The following REPS2 variants were observed in gnomAD, a reference collection of about 807,000 sequenced individuals.
REPS2 encodes RALBP1 associated Eps domain containing 2.
A neutral mutation model predicts 53.6 loss-of-function variants in REPS2; 23 were observed. The ratio of observed to expected loss-of-function variants is 0.43; its 90% CI spans 0.31 to 0.61. The LOEUF is 0.61. Among genes scored for constraint, REPS2 ranks in the 20% least tolerant of loss-of-function variants. The pLI is 0.11. For synonymous variants in REPS2, 238 were observed against 218.6 expected, an observed-to-expected ratio of 1.09 and a Z score of -0.78; for missense variants, 446 against 534.9, an observed-to-expected ratio of 0.83 and a Z score of 1.64.
chrX:17,065,779 G>A (rs944272525), intron 9 of REPS2, among the ~76,000 whole-genome samples: 8 of 111,109 alleles, frequency 7.2e-5, no homozygotes, highest in African/African-American at 2.6e-4. Flanking sequence ...TGGAGACGGG[G>A]TTTCACCATG....
At position 17,016,091 on chromosome X, in the gene REPS2, G is replaced by A. The variant is rs774455952; in HGVS notation, c.398-6032G>A. On this transcript the variant is annotated intron_variant, in intron 2 of 17. Coordinates refer to ENST00000357277, the MANE Select transcript of REPS2 (RefSeq NM_004726.3). The stretch of plus-strand genomic sequence containing the variant: ...AGCATCTGTTGTTTCCTGACTTTTT[G>A]ATGATCGCCATTCTAACTGGTGTGA... Among the ~76,000 whole-genome samples, 567 of 111,705 alleles carry A rather than the reference G, an allele frequency of 5.1e-3. 3 individuals are homozygous for A. Among genetic ancestry groups the A allele is most frequent in the African/African-American group, 0.018 (540 of 30,767 alleles).
chrX:17,157,568 G>A (rs1370148962), downstream of REPS2, among the ~76,000 whole-genome samples: 2 of 111,983 alleles, frequency 1.8e-5, no homozygotes, highest in East Asian at 5.6e-4. Flanking sequence ...ACAACTGGGG[G>A]ATGCTACTGG....
At chrX:17,079,980 G>T in intron 13 of REPS2, among the ~76,000 whole-genome samples, 1 of 112,011 alleles carries the variant, frequency 8.9e-6, no homozygotes, top group Non-Finnish European at 1.9e-5. Context: ...TACCAGAAGA[G>T]TCTACTCACT....
At chrX:17,114,509 A>G (rs2063020104) in intron 14 of REPS2, among the ~76,000 whole-genome samples, 1 of 111,428 alleles carries the variant, frequency 9.0e-6, no homozygotes, top group African/African-American at 3.3e-5. Context: ...TTTGGTGGGG[A>G]AGTTATGCAG....
At chrX:16,949,337 A>G (rs1339699179) in intron 1 of REPS2, among the ~76,000 whole-genome samples, 1 of 112,328 alleles carries the variant, frequency 8.9e-6, no homozygotes, top group Non-Finnish European at 1.9e-5. Context: ...AGATTACCAT[A>G]ATAATGTTCC....
At chrX:17,006,392 A>G in intron 2 of REPS2, 48 bp downstream of exon 2, 1 of 1,114,037 alleles carries the variant, frequency 9.0e-7, no homozygotes, top group Admixed American at 2.4e-5. Context: ...CGAGTCGCTC[A>G]TTTATGAGAA....
chrX:17,196,100 G>C, the REPS2 span, among the ~76,000 whole-genome samples: 11 of 111,907 alleles, frequency 9.8e-5, no homozygotes, highest in Non-Finnish European at 1.1e-4. Context: ...AGCACCTGCT[G>C]TTCTTCTGCC....
chrX:17,083,184 G>A (rs1247064598), intron 13 of REPS2, among the ~76,000 whole-genome samples: 2 of 104,716 alleles, frequency 1.9e-5, no homozygotes, highest in African/African-American at 7.1e-5. Context: ...CCGGGTTCAT[G>A]CCCATTCTCC....
intron 2 of REPS2, among the ~76,000 whole-genome samples, chrX:17,008,390 T>G (rs1365592207): frequency 2.7e-5 from 3 of 112,353 alleles, no homozygotes; most frequent in Non-Finnish European, 5.6e-5. Context: ...TGTGCCCAGA[T>G]TGACAGTTTA....
the REPS2 span, among the ~76,000 whole-genome samples, chrX:17,184,473 G>A: frequency 9.9e-6 from 1 of 101,399 alleles, no homozygotes; most frequent in Admixed American, 1.1e-4. Context: ...ATTGTGAATA[G>A]TGCCACAATA....
the REPS2 span, among the ~76,000 whole-genome samples, chrX:17,189,534 G>A: frequency 4.5e-5 from 5 of 111,079 alleles, no homozygotes; most frequent in African/African-American, 1.6e-4. Context: ...CAATCCACCC[G>A]CCTGGGCCTC....
intron 2 of REPS2, among the ~76,000 whole-genome samples, chrX:17,020,923 C>T (rs991128391): frequency 5.3e-5 from 6 of 112,160 alleles, no homozygotes; most frequent in African/African-American, 1.9e-4. Context: ...AAGTGAGCCA[C>T]TGCGCCCGGC....
intron 6 of REPS2, among the ~76,000 whole-genome samples, chrX:17,050,586 C>T (rs749232948): frequency 2.5e-4 from 28 of 111,249 alleles, no homozygotes; most frequent in South Asian, 3.7e-4. Flanking sequence ...CTGTGCTGTT[C>T]GCACAATGAG....
In REPS2 at chrX:17,025,170, G is replaced by A. The variant is rs1569133471; in HGVS notation, c.658G>A (p.Glu220Lys). The A allele has an allele frequency of 8.3e-7, 1 of 1,210,992 alleles. No homozygotes were observed. The highest frequency in any genetic ancestry group is 2.2e-5 in the Admixed American group (1 of 45,939). ...HGYSKLRSSA[E>K]QMHPAPYEAR... is the part of the protein sequence containing the mutation. Reference sequence around the variant, plus strand: ...CTACAGCAAACTGCGGAGCAGCGCAGAACAGATGCATCCAGGTAAGAGGCG... The same window carrying A: ...CTACAGCAAACTGCGGAGCAGCGCAAAACAGATGCATCCAGGTAAGAGGCG... Residue 220 changes from glutamate to lysine, a missense_variant, in exon 4 of 18, where the codon GAA becomes AAA. Coordinates refer to ENST00000357277, the MANE Select transcript of REPS2 (RefSeq NM_004726.3).
chrX:17,123,631 G>T (rs1370449424), intron 14 of REPS2, among the ~76,000 whole-genome samples: 4 of 112,297 alleles, frequency 3.6e-5, no homozygotes, highest in Non-Finnish European at 5.6e-5. Flanking sequence ...TCTACCGAGG[G>T]GGGTGCCCAC....
At chrX:17,159,928 A>G in the REPS2 span, among the ~76,000 whole-genome samples, 1 of 112,355 alleles carries the variant, frequency 8.9e-6, no homozygotes, top group Non-Finnish European at 1.9e-5. Context: ...AGTGATGTCT[A>G]AAATCCAAAG....
intron 1 of REPS2, among the ~76,000 whole-genome samples, chrX:16,969,793 GGA>G (rs1218484925): frequency 9.6e-6 from 1 of 103,812 alleles, no homozygotes; most frequent in African/African-American, 3.5e-5. Context: ...AGAGGGAGAG[GGA>G]GAGAGGGAGA....
intron 9 of REPS2, among the ~76,000 whole-genome samples, chrX:17,066,800 G>A (rs2062231586): frequency 1.8e-5 from 2 of 111,991 alleles, no homozygotes; most frequent in African/African-American, 6.5e-5. Context: ...TTGAACCTGG[G>A]AGGTGGAGGT....
chrX:17,021,390 A>G (rs943821700), intron 2 of REPS2, among the ~76,000 whole-genome samples: 2 of 112,768 alleles, frequency 1.8e-5, no homozygotes, highest in Non-Finnish European at 3.7e-5. Context: ...GTTTTGACAG[A>G]AGAATGTGGC....
Sources: gnomAD v4.1 joint callset for allele counts (sites outside exome capture counted in the v4.1 genomes callset) on GRCh38, gnomAD v4.1.1 for gene constraint, MANE v1.5 for transcripts, NCBI Gene and HGNC (gene_info 2026-07-23, HGNC 2026-07-21) for gene names.